Variants in PEX5 observed in about 807,000 individuals in gnomAD.
PEX5 encodes the protein peroxisomal biogenesis factor 5.
In PEX5, 52 loss-of-function variants were observed where a neutral mutation model predicts 82.9. The observed-to-expected ratio is 0.63, with a 90% CI of 0.50 to 0.79. PEX5 has a LOEUF of 0.79. PEX5 is among the 30% of genes least tolerant of loss of function. The pLI is 0.00. For synonymous variants in PEX5, 300 were observed against 318.8 expected, an observed-to-expected ratio of 0.94 and a Z score of 0.63; for missense variants, 719 against 815.2, an observed-to-expected ratio of 0.88 and a Z score of 1.44.
chr12:7,211,729 A>ATAAT (rs1434533409), downstream of PEX5, among the ~76,000 whole-genome samples: 2 of 152,158 alleles, frequency 1.3e-5, no homozygotes, highest in Admixed American at 6.5e-5. Context: ...GCAGTGCCAT[A>ATAAT]TAATTGTTAG....
At chr12:7,215,738 CAG>C (rs1391656128), downstream of PEX5, among the ~76,000 whole-genome samples, 1 of 151,976 alleles carries the variant, frequency 6.6e-6, no homozygotes, top group Non-Finnish European at 1.5e-5. Context: ...TGCAGACTAC[CAG>C]AGAGGTGGAG....
chr12:7,208,957 A>G (rs375762049), intron 13 of PEX5, 48 bp from the exon 14 acceptor site: 2 of 1,516,302 alleles, frequency 1.3e-6, no homozygotes, highest in Non-Finnish European at 1.8e-6. Context: ...GGGGATGGGA[A>G]TAGAGACATT....
At position 7,198,994 on chromosome 12, in the gene PEX5, T is replaced by C. The variant is rs1231533366; in HGVS notation, c.449-17T>C. ...GAATGAACCTGTGTGATTTCCCCAC[T>C]TCTCTGCTCCTTGCAGACCCCTTGT... On this transcript the variant is annotated splice_polypyrimidine_tract_variant and intron_variant, in intron 5 of 15. Transcript: ENST00000675855. 3 of 1,461,418 alleles carry C rather than the reference T, an allele frequency of 2.1e-6. No individual in the cohort carries two copies. Among genetic ancestry groups the C allele is most frequent in the Non-Finnish European group, 1.9e-6 (2 of 1,048,870 alleles). The allele number at this position is 1,461,418 out of a possible 1,614,324, so 90.5% of individuals were successfully genotyped here.
At chr12:7,191,390 G>A (rs371369969) in intron 4 of PEX5, 32 bp downstream of exon 4, 100 of 1,613,856 alleles carry the variant, frequency 6.2e-5, no homozygotes, top group Non-Finnish European at 8.1e-5. Flanking sequence ...AGGGGAGATC[G>A]TTTTCCATGT....
rs764082627 is a variant in PEX5, at chr12:7,210,545, C to T, written c.*322C>T. The T allele has an allele frequency of 2.8e-4, 126 of 454,530 alleles. 1 individual carries two copies. Among genetic ancestry groups the T allele is most frequent in the Non-Finnish European group, 4.4e-4 (108 of 244,166 alleles). 28.2% of individuals were successfully genotyped at this position (454,530 alleles called of 1,614,324 possible). A position where few individuals can be genotyped will look rare whatever the true frequency, so the allele number is the denominator to read the frequency against. ...GATTTAGGGTAACTGTTATCATCAG[C>T]TGCCATTTCTGATAGGGTCTACCAC... On this transcript the variant is annotated 3_prime_UTR_variant, in exon 16 of 16. Transcript: ENST00000675855.
At position 7,210,814 on chromosome 12, in the gene PEX5, C is replaced by T. The variant is rs142610244; in HGVS notation, c.*591C>T. Reference sequence around the variant, plus strand: ...GCTGAGCTCTGATTCCCTGTGAGCACGATGCTGATGCAATAGTCCTGTGTC... The same window carrying T: ...GCTGAGCTCTGATTCCCTGTGAGCATGATGCTGATGCAATAGTCCTGTGTC... On this transcript the variant is annotated 3_prime_UTR_variant, in exon 16 of 16. Coordinates refer to ENST00000675855, the MANE Select transcript of PEX5 (RefSeq NM_001351132.2). 5 of 198,052 alleles carry T rather than the reference C, an allele frequency of 2.5e-5. No homozygotes were observed. The highest frequency in any genetic ancestry group is 1.2e-4 in the East Asian group (1 of 8,280). The allele number at this position is 198,052 out of a possible 1,614,324, so 12.3% of individuals were successfully genotyped here.
intron 17 of PEX5, among the ~76,000 whole-genome samples, chr12:7,217,926 C>T (rs1051330976): frequency 5.9e-5 from 9 of 152,216 alleles, no homozygotes; most frequent in African/African-American, 2.2e-4. Flanking sequence ...TGGCTGTTGT[C>T]CCTTTGTGGT....
In PEX5 at chr12:7,189,756, C is replaced by T. The variant is rs1940558909; in HGVS notation, c.-17+6C>T. 2 of 454,346 alleles carry T rather than the reference C, an allele frequency of 4.4e-6. No homozygotes were observed. Among genetic ancestry groups the T allele is most frequent in the Non-Finnish European group, 7.1e-6 (2 of 282,008 alleles). 28.1% of individuals were successfully genotyped at this position (454,346 alleles called of 1,614,324 possible). ...GTGCGGCGCGGCGCTCCGCGGTGAG[C>T]GCCTGACCCCGAGGGGGCCCGGGGC... On this transcript the variant is annotated splice_donor_region_variant and intron_variant, in intron 1 of 15. Coordinates refer to ENST00000675855, the MANE Select transcript of PEX5 (RefSeq NM_001351132.2).
rs746831658 is a variant in PEX5 at position 7,191,559 on chromosome 12, CTCTTT to C, written c.317-8_317-4del. On this transcript the variant is annotated splice_polypyrimidine_tract_variant and splice_region_variant and intron_variant, in intron 4 of 15. Transcript: ENST00000675855. The stretch of plus-strand genomic sequence containing the variant: ...TATTCTTTCTTAGTTTTCTCTCTCT[CTCTTT>C]TAAGCCCCTGGTGTGGCAGACTTGG... The C allele has an allele frequency of 1.2e-6, 2 of 1,613,908 alleles. No homozygotes were observed. The highest frequency in any genetic ancestry group is 1.7e-6 in the Non-Finnish European group (2 of 1,179,976).
intron 3 of PEX5, 150 bp downstream of exon 3, chr12:7,191,073 A>G (rs1400633833): frequency 2.5e-6 from 3 of 1,202,772 alleles, no homozygotes; most frequent in Non-Finnish European, 3.7e-6. Flanking sequence ...TCGTCCTTCT[A>G]AATCTATGGA....
At chr12:7,191,119 GT>G (rs1941019560) in intron 3 of PEX5, 106 bp from the exon 4 acceptor site, 3 of 1,358,824 alleles carry the variant, frequency 2.2e-6, no homozygotes, top group African/African-American at 2.9e-5. Context: ...CAGTTTCTGT[GT>G]TTTCCTTTCC....
intron 2 of PEX5, 163 bp from the exon 3 acceptor site, chr12:7,190,725 A>C: frequency 7.5e-7 from 1 of 1,335,690 alleles, no homozygotes; most frequent in Non-Finnish European, 1.1e-6. Context: ...CATAGTAGTT[A>C]CCACTTACTG....
At chr12:7,189,588 A>G (rs1012179562), upstream of PEX5, 16 of 256,394 alleles carry the variant, frequency 6.2e-5, 1 homozygote, top group African/African-American at 6.8e-5. Context: ...CGCAGTCTTA[A>G]GGCCCCGCCT....
rs1943549103 is a variant in PEX5, at chr12:7,200,065, G to GA, written c.551+952_551+953insA. Among the ~76,000 whole-genome samples the GA allele has an allele frequency of 2.2e-5, 3 of 135,954 alleles. 1 individual carries two copies. The highest frequency in any genetic ancestry group is 4.9e-5 in the Non-Finnish European group (3 of 60,822). The allele number at this position is 135,954 out of a possible 152,430, so 89.2% of individuals were successfully genotyped here. Reference sequence around the variant, plus strand: ...CCCGGACGGGGCGGCTGGCCGGGCGGGGGGCTGACCCCCACCTCCCTCCCG... The same window carrying GA: ...CCCGGACGGGGCGGCTGGCCGGGCGGAGGGGCTGACCCCCACCTCCCTCCCG... On this transcript the variant is annotated intron_variant, in intron 6 of 15. Coordinates refer to ENST00000675855, the MANE Select transcript of PEX5 (RefSeq NM_001351132.2).
intron 2 of PEX5, 159 bp downstream of exon 2, chr12:7,190,683 G>T: frequency 6.8e-7 from 1 of 1,467,442 alleles, no homozygotes; most frequent in Non-Finnish European, 9.4e-7. Flanking sequence ...TGCACATCTT[G>T]GTATAACTGC....
intron 5 of PEX5, among the ~76,000 whole-genome samples, chr12:7,193,254 G>C (rs1212757604): frequency 1.6e-5 from 1 of 63,792 alleles, no homozygotes; most frequent in Non-Finnish European, 2.9e-5. Flanking sequence ...TTTTTTTTTT[G>C]AGACAGGGTC....
At position 7,210,209 on chromosome 12, in the gene PEX5, G is replaced by A; in HGVS notation, c.1906G>A (p.Gly636Ser). ...TCTGTCCACCCTCCTAACTATGTTT[G>A]GCCTGCCCCAGTGACAGTGGGACGG... ...RDLSTLLTMF[G>S]LPQ is the part of the protein sequence containing the mutation. Residue 636 changes from glycine to serine, a missense_variant, in exon 16 of 16, where the codon GGC (glycine) becomes AGC (serine). By Grantham distance (56) the Gly-to-Ser change is moderately conservative (BLOSUM62 0). Coordinates refer to ENST00000675855, the MANE Select transcript of PEX5 (RefSeq NM_001351132.2). 6.2e-7 allele frequency: 1 copy of A among 1,614,150 alleles called. No homozygotes were observed.
At chr12:7,205,984 C>T (rs747508425) in intron 10 of PEX5, among the ~76,000 whole-genome samples, 1 of 152,256 alleles carries the variant, frequency 6.6e-6, no homozygotes, top group East Asian at 1.9e-4. Flanking sequence ...GTGAAGATTC[C>T]CATTTGATGT....
At chr12:7,214,497 A>G (rs1027555560), downstream of PEX5, among the ~76,000 whole-genome samples, 4 of 145,108 alleles carry the variant, frequency 2.8e-5, no homozygotes, top group African/African-American at 1.0e-4. Flanking sequence ...GTTCTCACTC[A>G]TAGGTGGGAA....
Sources: allele counts gnomAD v4.1 joint callset (sites outside exome capture counted in the v4.1 genomes callset), GRCh38; gene constraint gnomAD v4.1.1; transcripts MANE v1.5; gene names NCBI Gene and HGNC (gene_info 2026-07-23, HGNC 2026-07-21).